Variants in FUT8 observed in about 807,000 individuals in gnomAD.
FUT8 encodes the protein fucosyltransferase 8, also known as alpha-(1,6)-fucosyltransferase.
FUT8 carries 29 observed loss-of-function variants against 71.3 expected under a neutral mutation model. The ratio of observed to expected loss-of-function variants is 0.41; its 90% CI spans 0.30 to 0.55. The LOEUF (loss-of-function observed/expected upper bound fraction) is 0.55, where lower values mean the gene tolerates loss of function less well. FUT8 is among the 20% of genes least tolerant of loss of function. FUT8 has a pLI of 0.34. For missense variants in FUT8, 544 were observed against 702.1 expected (o/e 0.77, Z 2.55); for synonymous variants, 254 against 239.3 (o/e 1.06, Z -0.57).
chr14:65,391,514 C>T, the FUT8 span, among the ~76,000 whole-genome samples: 1 of 152,206 alleles, frequency 6.6e-6, no homozygotes, highest in South Asian at 2.1e-4. Flanking sequence ...TGCCACCAAA[C>T]TCAGCTATTT....
intron 6 of FUT8, among the ~76,000 whole-genome samples, chr14:65,657,004 G>A (rs1891715362): frequency 2.0e-5 from 3 of 152,068 alleles, no homozygotes; most frequent in African/African-American, 4.8e-5. Flanking sequence ...AAATCAAAAT[G>A]AACTAAAGAC....
intron 5 of FUT8, among the ~76,000 whole-genome samples, chr14:65,618,546 T>C (rs764062183): frequency 2.6e-5 from 4 of 152,104 alleles, no homozygotes; most frequent in Non-Finnish European, 5.9e-5. Flanking sequence ...CAGATTAGAA[T>C]GCAGTAATAC....
intron 2 of FUT8, chr14:65,468,184 C>A: frequency 1.6e-6 from 1 of 634,530 alleles, no homozygotes; most frequent in Non-Finnish European, 3.0e-6. Context: ...ATAACACTCG[C>A]GGAGCATTCC....
chr14:65,597,757 A>G (rs1164986735), intron 3 of FUT8, among the ~76,000 whole-genome samples: 1 of 152,182 alleles, frequency 6.6e-6, no homozygotes, highest in Non-Finnish European at 1.5e-5. Context: ...GTTATACAAC[A>G]TTGAGGACAG....
intron 3 of FUT8, among the ~76,000 whole-genome samples, chr14:65,569,530 G>T (rs1226746086): frequency 6.6e-6 from 1 of 151,170 alleles, no homozygotes; most frequent in Non-Finnish European, 1.5e-5. Flanking sequence ...TATATTTTTT[G>T]ATTCTAGAAT....
At chr14:65,417,493 C>T (rs936905264) in intron 1 of FUT8, among the ~76,000 whole-genome samples, 11 of 152,194 alleles carry the variant, frequency 7.2e-5, no homozygotes, top group Admixed American at 2.0e-4. Context: ...TTCCTTTTAA[C>T]GGAGGAAGAG....
chr14:65,725,836 T>C (rs1895657726), intron 9 of FUT8, among the ~76,000 whole-genome samples: 1 of 152,234 alleles, frequency 6.6e-6, no homozygotes, highest in Non-Finnish European at 1.5e-5. Context: ...ATGAGGAAAA[T>C]AAATAAATTT....
intron 2 of FUT8, among the ~76,000 whole-genome samples, chr14:65,532,868 C>A (rs1030628387): frequency 6.6e-6 from 1 of 152,186 alleles, no homozygotes; most frequent in African/African-American, 2.4e-5. Flanking sequence ...CCGGTTATCC[C>A]AGCATCATTT....
At chr14:65,542,700 C>T (rs1024937324) in intron 2 of FUT8, among the ~76,000 whole-genome samples, 1 of 152,048 alleles carries the variant, frequency 6.6e-6, no homozygotes, top group Non-Finnish European at 1.5e-5. Context: ...GAATTTGCAC[C>T]TTTGAATCTA....
At chr14:65,604,848 T>A (rs1412250545) in intron 3 of FUT8, among the ~76,000 whole-genome samples, 1 of 151,946 alleles carries the variant, frequency 6.6e-6, no homozygotes, top group African/African-American at 2.4e-5. Flanking sequence ...TTCCTCACTT[T>A]CCAGAGGAAT....
At chr14:65,656,355 A>C (rs548428862) in intron 6 of FUT8, among the ~76,000 whole-genome samples, 1 of 152,322 alleles carries the variant, frequency 6.6e-6, no homozygotes, top group African/African-American at 2.4e-5. Flanking sequence ...GAGCAATCTG[A>C]AAAAGAAATT....
chr14:65,620,546 G>A (rs10162579), intron 5 of FUT8, among the ~76,000 whole-genome samples: 1,585 of 152,248 alleles, frequency 0.01, 29 homozygotes, highest in African/African-American at 0.037. Context: ...CATAGTTGTT[G>A]TTGCCCAATA....
At chr14:65,361,040 T>C in the FUT8 span, among the ~76,000 whole-genome samples, 1 of 152,098 alleles carries the variant, frequency 6.6e-6, no homozygotes, top group Non-Finnish European at 1.5e-5. Context: ...ATGAGAGTGA[T>C]TACATGGTGA....
chr14:65,658,625 CAAG>C (rs59439653), intron 6 of FUT8, among the ~76,000 whole-genome samples: 18,803 of 152,012 alleles, frequency 0.12, 1,478 homozygotes, highest in East Asian at 0.38. Flanking sequence ...GGATGGATCT[CAAG>C]AGCATTGTGC....
chr14:65,362,036 A>G, the FUT8 span, among the ~76,000 whole-genome samples: 4 of 152,164 alleles, frequency 2.6e-5, no homozygotes, highest in East Asian at 3.8e-4. Flanking sequence ...CAGCCTGCCA[A>G]TGGAGCTTTG....
chr14:65,595,338 C>G (rs1887907687), intron 3 of FUT8, among the ~76,000 whole-genome samples: 1 of 152,042 alleles, frequency 6.6e-6, no homozygotes, highest in Non-Finnish European at 1.5e-5. Flanking sequence ...GTCTATTTGA[C>G]TATTTTAATA....
chr14:65,431,089 G>A (rs112505954), intron 1 of FUT8, among the ~76,000 whole-genome samples: 16 of 149,390 alleles, frequency 1.1e-4, no homozygotes, highest in African/African-American at 3.5e-4. Context: ...TCCTGCTCCC[G>A]GGTTCAAATG....
intron 6 of FUT8, among the ~76,000 whole-genome samples, chr14:65,650,413 G>A (rs1215096753): frequency 6.6e-6 from 1 of 151,636 alleles, no homozygotes; most frequent in Non-Finnish European, 1.5e-5. Flanking sequence ...GGCTTCTGGG[G>A]AGGCCTCAGG....
chr14:65,510,937 TCTA>T (rs1882299609), intron 2 of FUT8, among the ~76,000 whole-genome samples: 1 of 152,134 alleles, frequency 6.6e-6, no homozygotes. Context: ...TTTATTTTCT[TCTA>T]CTACTTTTGA....
Sources: gnomAD v4.1 joint callset for allele counts (sites outside exome capture counted in the v4.1 genomes callset) on GRCh38, gnomAD v4.1.1 for gene constraint, MANE v1.5 for transcripts, NCBI Gene and HGNC (gene_info 2026-07-23, HGNC 2026-07-21) for gene names.